FAF1: variants seen among roughly 807,000 people sequenced by gnomAD.
The protein encoded by FAF1 is FAS-associated factor 1.
In FAF1, 25 loss-of-function variants were observed where a neutral mutation model predicts 92.5. That is an observed-to-expected ratio of 0.27 (90% CI 0.20 to 0.38). FAF1 has a LOEUF of 0.38. Ranked by LOEUF, FAF1 falls within the 10% of genes least tolerant of loss-of-function variation. FAF1 has a pLI of 1.00. For missense variants in FAF1, 636 were observed against 793.3 expected (o/e 0.80, Z 2.38); for synonymous variants, 234 against 273.2 (o/e 0.86, Z 1.42).
At chr1:50,666,305 T>G (rs1339012428) in intron 7 of FAF1, among the ~76,000 whole-genome samples, 1 of 152,076 alleles carries the variant, frequency 6.6e-6, no homozygotes, top group Non-Finnish European at 1.5e-5. Flanking sequence ...CTGGATCTCC[T>G]GGGCTGATAA....
chr1:50,516,440 C>T (rs925133245), intron 15 of FAF1, among the ~76,000 whole-genome samples: 1 of 152,112 alleles, frequency 6.6e-6, no homozygotes, highest in Non-Finnish European at 1.5e-5. Context: ...CCATATTACC[C>T]TGTATACCTT....
intron 1 of FAF1, among the ~76,000 whole-genome samples, chr1:50,889,389 T>C (rs1644699829): frequency 6.6e-6 from 1 of 152,222 alleles, no homozygotes; most frequent in South Asian, 2.1e-4. Context: ...ATCTTAGTTA[T>C]TTCTTGCCTT....
intron 4 of FAF1, among the ~76,000 whole-genome samples, chr1:50,758,014 T>C (rs769140776): frequency 6.6e-6 from 1 of 152,190 alleles, no homozygotes; most frequent in Non-Finnish European, 1.5e-5. Flanking sequence ...GCCTCTGACA[T>C]TCAACTGATT....
intron 6 of FAF1, 50 bp downstream of exon 6, chr1:50,738,813 T>C: frequency 1.6e-6 from 2 of 1,267,392 alleles, no homozygotes; most frequent in Non-Finnish European, 2.3e-6. Context: ...AAAGCAATTT[T>C]AACAACTGAG....
intron 6 of FAF1, among the ~76,000 whole-genome samples, chr1:50,734,733 CAAAA>C (rs71672961): frequency 2.4e-5 from 2 of 84,204 alleles, no homozygotes; most frequent in African/African-American, 8.7e-5. Flanking sequence ...GACTCCATCT[CAAAA>C]AAAAAAAAAA....
chr1:50,928,978 G>A (rs1211158162), intron 1 of FAF1, among the ~76,000 whole-genome samples: 1 of 150,732 alleles, frequency 6.6e-6, no homozygotes, highest in African/African-American at 2.4e-5. Context: ...CCAGCTGCAT[G>A]GGAGGATTGC....
intron 1 of FAF1, among the ~76,000 whole-genome samples, chr1:50,930,867 C>T (rs1645041932): frequency 6.6e-6 from 1 of 152,104 alleles, no homozygotes; most frequent in Admixed American, 6.5e-5. Flanking sequence ...CTAAAGAAGG[C>T]AATATAACTT....
At chr1:50,726,598 G>C (rs1202995899) in intron 6 of FAF1, among the ~76,000 whole-genome samples, 1 of 152,142 alleles carries the variant, frequency 6.6e-6, no homozygotes, top group Non-Finnish European at 1.5e-5. Context: ...GGGAGGCTGA[G>C]GTGGGCGGAT....
At chr1:50,721,368 C>G (rs1403833354) in intron 6 of FAF1, among the ~76,000 whole-genome samples, 1 of 152,064 alleles carries the variant, frequency 6.6e-6, no homozygotes, top group African/African-American at 2.4e-5. Flanking sequence ...GCACGCACCA[C>G]TACGCCCAGC....
chr1:50,749,752 G>GCACT (rs962187496), intron 4 of FAF1, among the ~76,000 whole-genome samples: 4 of 151,208 alleles, frequency 2.6e-5, no homozygotes, highest in Non-Finnish European at 5.9e-5. Context: ...CGTTGCCACT[G>GCACT]CACTCTATCC....
intron 1 of FAF1, among the ~76,000 whole-genome samples, chr1:50,916,121 C>A (rs1391708541): frequency 1.3e-5 from 2 of 152,028 alleles, no homozygotes; most frequent in African/African-American, 4.8e-5. Flanking sequence ...TTGAGGAAAG[C>A]CTAGCACATG....
At chr1:50,480,583 G>C (rs113602989) in intron 17 of FAF1, among the ~76,000 whole-genome samples, 1 of 152,148 alleles carries the variant, frequency 6.6e-6, no homozygotes, top group African/African-American at 2.4e-5. Context: ...CCTAAATGGA[G>C]CCTACATTCT....
chr1:50,584,369 G>T (rs1040904707), intron 10 of FAF1, among the ~76,000 whole-genome samples: 1 of 151,970 alleles, frequency 6.6e-6, no homozygotes, highest in African/African-American at 2.4e-5. Flanking sequence ...AACAAGTATC[G>T]GTCACAGAAA....
chr1:50,561,038 C>T (rs1368760690), intron 13 of FAF1, among the ~76,000 whole-genome samples: 1 of 152,170 alleles, frequency 6.6e-6, no homozygotes, highest in Admixed American at 6.5e-5. Flanking sequence ...GTCTCTTCCA[C>T]CGTGTAGCCA....
intron 15 of FAF1, among the ~76,000 whole-genome samples, chr1:50,505,592 A>G (rs57074997): frequency 0.017 from 2,633 of 152,324 alleles, 75 homozygotes; most frequent in African/African-American, 0.061. Flanking sequence ...TAAACTATGT[A>G]TGGTCTTTGG....
At chr1:50,927,722 C>T (rs1350084062) in intron 1 of FAF1, among the ~76,000 whole-genome samples, 1 of 152,062 alleles carries the variant, frequency 6.6e-6, no homozygotes, top group African/African-American at 2.4e-5. Flanking sequence ...TTTGTTTAAA[C>T]AAATTTTTTT....
intron 13 of FAF1, among the ~76,000 whole-genome samples, chr1:50,543,266 A>G (rs1185338286): frequency 1.3e-5 from 2 of 152,186 alleles, no homozygotes; most frequent in Non-Finnish European, 2.9e-5. Flanking sequence ...AACATAAAAT[A>G]TATATTAAAT....
At chr1:50,594,039 G>C (rs770925703) in intron 9 of FAF1, among the ~76,000 whole-genome samples, 1 of 152,168 alleles carries the variant, frequency 6.6e-6, no homozygotes, top group Non-Finnish European at 1.5e-5. Flanking sequence ...AAGGCCAGGC[G>C]TGGTGGCTCA....
chr1:50,622,157 T>A, intron 8 of FAF1, among the ~76,000 whole-genome samples: 1 of 129,962 alleles, frequency 7.7e-6, no homozygotes. Flanking sequence ...AGAGCGAGAC[T>A]CCATCTCAAA....
Sources: allele counts gnomAD v4.1 joint callset (sites outside exome capture counted in the v4.1 genomes callset), GRCh38; gene constraint gnomAD v4.1.1; transcripts MANE v1.5; gene names NCBI Gene and HGNC (gene_info 2026-07-23, HGNC 2026-07-21).